KCMF1: variants seen among roughly 807,000 people sequenced by gnomAD.
KCMF1 encodes the protein E3 ubiquitin-protein ligase KCMF1.
A neutral mutation model predicts 41.1 loss-of-function variants in KCMF1; 3 were observed. The ratio of observed to expected loss-of-function variants is 0.07; its 90% CI spans 0.03 to 0.19. KCMF1 has a LOEUF of 0.19. KCMF1 is among the 10% of genes least tolerant of loss of function. KCMF1 has a pLI of 1.00. For missense variants in KCMF1, 286 were observed against 488.9 expected (o/e 0.58, Z 3.91); for synonymous variants, 142 against 164.5 (o/e 0.86, Z 1.04).
At chr2:85,028,132 T>C (rs1675157630) in intron 2 of KCMF1, 76 bp downstream of exon 2, 2 of 890,504 alleles carry the variant, frequency 2.2e-6, no homozygotes, top group African/African-American at 1.7e-5. Flanking sequence ...CAAAGTGTTC[T>C]AAAACTCCCC....
rs112460793 is a variant in KCMF1 at position 84,997,764 on chromosome 2, C to CTTT, written c.16+26319_16+26321dup. On this transcript the variant is annotated intron_variant, in intron 1 of 6. Transcript: ENST00000409785. ...TGACTTACAGCAAAAAATACATTTT[C>CTTT]TTTTTTTTTTTTTTTTTTTTTTTTG... Among the ~76,000 whole-genome samples, 382 of 80,252 alleles carry CTTT rather than the reference C, an allele frequency of 4.8e-3. 6 individuals carry two copies. The highest frequency in any genetic ancestry group is 0.01 in the East Asian group (23 of 2,246). The allele number at this position is 80,252 out of a possible 152,430, so 52.6% of individuals were successfully genotyped here.
intron 1 of KCMF1, among the ~76,000 whole-genome samples, chr2:84,973,741 C>A (rs753782007): frequency 5.3e-5 from 8 of 150,774 alleles, no homozygotes; most frequent in Non-Finnish European, 1.0e-4. Context: ...GCTATTAGTT[C>A]TTTTCTTACC....
In KCMF1 at chr2:85,008,247, GATATATATT is replaced by G. The variant is rs1412990759; in HGVS notation, c.17-19635_17-19627del. 3.8e-5 allele frequency among the ~76,000 whole-genome samples: 3 copies of G among 78,080 alleles called. 1 individual carries two copies. Among genetic ancestry groups the G allele is most frequent in the Non-Finnish European group, 7.4e-5 (3 of 40,682 alleles). 51.2% of individuals were successfully genotyped at this position (78,080 alleles called of 152,430 possible). A position where few individuals can be genotyped will look rare whatever the true frequency, so the allele number is the denominator to read the frequency against. On this transcript the variant is annotated intron_variant, in intron 1 of 6. Coordinates refer to ENST00000409785, the MANE Select transcript of KCMF1 (RefSeq NM_020122.5). ...ATACATCACATATTATATTATATAT[GATATATATT>G]ATATATCATATATAATATATAATAT...
chr2:85,008,365 T>TGATATATA (rs1267494837), intron 1 of KCMF1, among the ~76,000 whole-genome samples: 9 of 20,302 alleles, frequency 4.4e-4, no homozygotes, highest in African/African-American at 8.0e-4. Context: ...ATATATATTA[T>TGATATATA]ATATCATATG....
At chr2:85,029,768 A>C (rs1277250057) in intron 2 of KCMF1, among the ~76,000 whole-genome samples, 2 of 138,332 alleles carry the variant, frequency 1.4e-5, no homozygotes, top group Non-Finnish European at 3.0e-5. Context: ...TGCAACCTCC[A>C]CCTCCTGGGT....
intron 1 of KCMF1, among the ~76,000 whole-genome samples, chr2:85,004,144 ATTGT>A (rs1300615764): frequency 2.0e-5 from 3 of 152,102 alleles, no homozygotes; most frequent in Non-Finnish European, 4.4e-5. Context: ...AAACTTATGA[ATTGT>A]TTGTCTCTGG....
At chr2:85,028,387 G>A (rs527330475) in intron 2 of KCMF1, among the ~76,000 whole-genome samples, 132 of 150,200 alleles carry the variant, frequency 8.8e-4, no homozygotes, top group African/African-American at 3.0e-3. Context: ...GTTTCACCAC[G>A]TTGGCCAGAC....
At position 85,057,963 on chromosome 2, in the gene KCMF1, AAGTC is replaced by A. The variant is rs1326117776; in HGVS notation, c.*4558_*4561del. 8 of 152,258 alleles carry A rather than the reference AAGTC, an allele frequency of 5.3e-5. No homozygotes were observed. The highest frequency in any genetic ancestry group is 3.9e-4 in the Admixed American group (6 of 15,284). The allele number at this position is 152,258 out of a possible 1,614,324, so 9.4% of individuals were successfully genotyped here. On this transcript the variant is annotated 3_prime_UTR_variant, in exon 7 of 7. Transcript: ENST00000409785. ...CTCAAGTCCTCATGTTAACTTTAGTAAGTCAGTTAACTTTACAGCAACTAAAGAG... is the reference window on the plus strand; with the variant it reads ...CTCAAGTCCTCATGTTAACTTTAGTAAGTTAACTTTACAGCAACTAAAGAG...
At chr2:85,023,134 G>A (rs1316040738) in intron 1 of KCMF1, among the ~76,000 whole-genome samples, 5 of 151,632 alleles carry the variant, frequency 3.3e-5, no homozygotes, top group East Asian at 1.9e-4. Context: ...TGAGCCGCCC[G>A]CCTCGGCCTC....
At chr2:85,028,743 C>G (rs1316424857) in intron 2 of KCMF1, among the ~76,000 whole-genome samples, 3 of 151,890 alleles carry the variant, frequency 2.0e-5, no homozygotes, top group African/African-American at 7.3e-5. Flanking sequence ...CCTGCCTCGG[C>G]CTCCAAAGTG....
chr2:85,004,131 T>C (rs924166067), intron 1 of KCMF1, among the ~76,000 whole-genome samples: 2 of 152,166 alleles, frequency 1.3e-5, no homozygotes, highest in Non-Finnish European at 2.9e-5. Flanking sequence ...AGTAGGTAGT[T>C]TAAAACTTAT....
chr2:85,043,482 A>G, intron 3 of KCMF1, 82 bp from the exon 4 acceptor site: 1 of 816,592 alleles, frequency 1.2e-6, no homozygotes, highest in Non-Finnish European at 2.1e-6. Context: ...TGATAATAGT[A>G]AAACTTACAG....
intron 1 of KCMF1, among the ~76,000 whole-genome samples, chr2:84,979,515 T>A (rs1673648859): frequency 1.1e-5 from 1 of 91,544 alleles, no homozygotes; most frequent in Non-Finnish European, 2.3e-5. Context: ...AAGAGCGAAA[T>A]TCTGTCTAAA....
At chr2:85,053,013 C>A in intron 6 of KCMF1, 135 bp from the exon 7 acceptor site, 1 of 704,610 alleles carries the variant, frequency 1.4e-6, no homozygotes, top group Non-Finnish European at 2.3e-6. Flanking sequence ...TAAATTACAG[C>A]CAAGTATTCC....
At chr2:85,005,793 A>T (rs1358043075) in intron 1 of KCMF1, among the ~76,000 whole-genome samples, 1 of 152,122 alleles carries the variant, frequency 6.6e-6, no homozygotes, top group Non-Finnish European at 1.5e-5. Context: ...TATAGGCATA[A>T]GCCACCACAC....
chr2:85,032,247 C>G (rs1270034873), intron 2 of KCMF1, among the ~76,000 whole-genome samples: 2 of 152,204 alleles, frequency 1.3e-5, no homozygotes, highest in Non-Finnish European at 2.9e-5. Flanking sequence ...TCTCGGCTCA[C>G]TGCAACTTCC....
chr2:84,987,701 A>G (rs868153690), intron 1 of KCMF1, among the ~76,000 whole-genome samples: 61 of 152,344 alleles, frequency 4.0e-4, no homozygotes, highest in African/African-American at 1.4e-3. Flanking sequence ...TAAGAATTTC[A>G]TAGCCTTCTT....
intron 2 of KCMF1, among the ~76,000 whole-genome samples, chr2:85,030,949 C>CA (rs1402765400): frequency 2.0e-5 from 3 of 152,220 alleles, no homozygotes; most frequent in Non-Finnish European, 4.4e-5. Flanking sequence ...CTGCCTGCCT[C>CA]AGCCTCCCAA....
At position 85,036,260 on chromosome 2, in the gene KCMF1, G is replaced by A. The variant is rs542438523; in HGVS notation, c.324+1105G>A. On this transcript the variant is annotated intron_variant, in intron 3 of 6. Transcript: ENST00000409785. ...AAATGCTCTGATCTTTTACCTAGGA[G>A]AGCCTCAGACTACTGTTGTCACATT... 1.7e-4 allele frequency among the ~76,000 whole-genome samples: 26 copies of A among 152,300 alleles called. 1 individual carries two copies. The South Asian group carries it at 4.8e-3, about 28-fold the overall frequency.
Sources: allele counts gnomAD v4.1 joint callset (sites outside exome capture counted in the v4.1 genomes callset), GRCh38; gene constraint gnomAD v4.1.1; transcripts MANE v1.5; gene names NCBI Gene and HGNC (gene_info 2026-07-23, HGNC 2026-07-21).